The following EYA4 variants were observed in gnomAD, a reference collection of about 807,000 sequenced individuals.
EYA4 encodes the protein protein phosphatase EYA4.
In EYA4, 31 loss-of-function variants were observed where a neutral mutation model predicts 87.9. The observed-to-expected ratio is 0.35, with a 90% CI of 0.27 to 0.48. The LOEUF is 0.48. Among genes scored for constraint, EYA4 ranks in the 20% least tolerant of loss-of-function variants. The pLI, the probability that EYA4 is intolerant of heterozygous loss-of-function variation, is 0.99. For synonymous variants in EYA4, 263 were observed against 270.6 expected (o/e 0.97, Z 0.28); for missense variants, 678 against 761.4 (o/e 0.89, Z 1.29).
intron 2 of EYA4, among the ~76,000 whole-genome samples, chr6:133,291,712 T>C (rs1778503248): frequency 6.6e-6 from 1 of 152,198 alleles, no homozygotes; most frequent in African/African-American, 2.4e-5. Flanking sequence ...AACTCCAGCT[T>C]CCTAGCAATG....
chr6:133,371,499 A>G (rs1224709379), intron 2 of EYA4, among the ~76,000 whole-genome samples: 1 of 152,240 alleles, frequency 6.6e-6, no homozygotes, highest in East Asian at 1.9e-4. Flanking sequence ...TTACTTATCA[A>G]AAATGACCAA....
At chr6:133,445,921 C>G (rs1792788066) in intron 3 of EYA4, among the ~76,000 whole-genome samples, 1 of 152,158 alleles carries the variant, frequency 6.6e-6, no homozygotes, top group African/African-American at 2.4e-5. Context: ...TTCAAGAATC[C>G]CAATTTTATT....
chr6:133,243,650 G>A (rs1223223783), intron 1 of EYA4, among the ~76,000 whole-genome samples: 5 of 129,550 alleles, frequency 3.9e-5, no homozygotes, highest in Non-Finnish European at 6.4e-5. Flanking sequence ...AGCAGAATCA[G>A]TGCCTTTTTT....
intron 2 of EYA4, among the ~76,000 whole-genome samples, chr6:133,350,140 T>A (rs951962244): frequency 2.6e-5 from 4 of 152,078 alleles, no homozygotes; most frequent in African/African-American, 9.7e-5. Flanking sequence ...GGGCCTGATC[T>A]TTGATGTTGA....
intron 1 of EYA4, among the ~76,000 whole-genome samples, chr6:133,270,395 G>A (rs1009520615): frequency 2.6e-5 from 4 of 152,274 alleles, no homozygotes; most frequent in Middle Eastern, 3.4e-3. Context: ...TTTAAATGCC[G>A]ATATGAAGTC....
At chr6:133,264,615 G>A (rs1223991773) in intron 1 of EYA4, among the ~76,000 whole-genome samples, 1 of 152,222 alleles carries the variant, frequency 6.6e-6, no homozygotes, top group Non-Finnish European at 1.5e-5. Flanking sequence ...CAAATGGGCA[G>A]GGAGTCAGTG....
At chr6:133,340,792 G>A (rs1365934298) in intron 2 of EYA4, among the ~76,000 whole-genome samples, 1 of 152,134 alleles carries the variant, frequency 6.6e-6, no homozygotes, top group Non-Finnish European at 1.5e-5. Context: ...AGCCACTGGA[G>A]GATAAGATCA....
chr6:133,383,545 A>AAAAAAAAAAAAAAAG (rs1312860441), intron 3 of EYA4, among the ~76,000 whole-genome samples: 1 of 149,504 alleles, frequency 6.7e-6, no homozygotes, highest in African/African-American at 2.5e-5. Flanking sequence ...AAAAAAAAAA[A>AAAAAAAAAAAAAAAG]TGTAATGGCC....
At chr6:133,462,255 T>C in intron 7 of EYA4, 80 bp from the exon 8 acceptor site, 1 of 1,421,032 alleles carries the variant, frequency 7.0e-7, no homozygotes, top group Non-Finnish European at 9.9e-7. Context: ...CTGGATATTA[T>C]AGGGTTTCAC....
At chr6:133,411,023 G>C (rs1388584779) in intron 3 of EYA4, among the ~76,000 whole-genome samples, 1 of 122,492 alleles carries the variant, frequency 8.2e-6, no homozygotes, top group Non-Finnish European at 1.6e-5. Context: ...GCCCTCTCAA[G>C]CCTAATCAGA....
At chr6:133,439,803 G>A (rs1792085728) in intron 3 of EYA4, among the ~76,000 whole-genome samples, 1 of 152,154 alleles carries the variant, frequency 6.6e-6, no homozygotes, top group South Asian at 2.1e-4. Flanking sequence ...GCCCCCACCA[G>A]GAATCACATT....
At position 133,454,172 on chromosome 6, in the gene EYA4, G is replaced by A. The variant is rs187538040; in HGVS notation, c.278-2384G>A. Among the ~76,000 whole-genome samples, 440 of 152,204 alleles carry A rather than the reference G, an allele frequency of 2.9e-3. 3 individuals are homozygous for A. Among genetic ancestry groups the A allele is most frequent in the African/African-American group, 0.01 (426 of 41,534 alleles). ...GCAAGTAAAATCTATATTACAATTA[G>A]TATAATAAAGCTACTTTTGCAAATA... On this transcript the variant is annotated intron_variant, in intron 5 of 19. Coordinates refer to ENST00000355286, the MANE Select transcript of EYA4 (RefSeq NM_004100.5).
chr6:133,427,578 T>A (rs1477563543), intron 3 of EYA4, among the ~76,000 whole-genome samples: 1 of 152,076 alleles, frequency 6.6e-6, no homozygotes, highest in Non-Finnish European at 1.5e-5. Context: ...AAGGAAAAAA[T>A]TAAAGCTCAC....
At chr6:133,502,466 A>G (rs770428700) in intron 13 of EYA4, 7 of 152,188 alleles carry the variant, frequency 4.6e-5, no homozygotes, top group Non-Finnish European at 1.0e-4. Context: ...AGTATGTTTC[A>G]TTCTCACATG....
chr6:133,402,843 CAG>C (rs972198821), intron 3 of EYA4, among the ~76,000 whole-genome samples: 2 of 152,104 alleles, frequency 1.3e-5, no homozygotes, highest in Admixed American at 6.5e-5. Flanking sequence ...GGGAGGGTAA[CAG>C]GGGACAAGAC....
chr6:133,484,969 C>CT (rs1278507759), intron 13 of EYA4, among the ~76,000 whole-genome samples: 33 of 152,310 alleles, frequency 2.2e-4, no homozygotes, highest in African/African-American at 7.7e-4. Flanking sequence ...ATAGAAAGAT[C>CT]ATTCGGACCC....
intron 3 of EYA4, among the ~76,000 whole-genome samples, chr6:133,384,104 T>G (rs1786494015): frequency 1.3e-5 from 2 of 152,222 alleles, no homozygotes; most frequent in African/African-American, 4.8e-5. Context: ...TCAGGATTTT[T>G]GGGCAGATAA....
intron 3 of EYA4, among the ~76,000 whole-genome samples, chr6:133,408,106 G>T (rs970761384): frequency 6.6e-6 from 1 of 152,156 alleles, no homozygotes; most frequent in African/African-American, 2.4e-5. Flanking sequence ...TTTGGATTTT[G>T]CTAAAAAGTA....
intron 4 of EYA4, among the ~76,000 whole-genome samples, chr6:133,447,809 G>A (rs1277312803): frequency 6.6e-6 from 1 of 152,078 alleles, no homozygotes; most frequent in Non-Finnish European, 1.5e-5. Flanking sequence ...TTATGCAATT[G>A]CAAATGTATA....
Sources: allele counts gnomAD v4.1 joint callset (sites outside exome capture counted in the v4.1 genomes callset), GRCh38; gene constraint gnomAD v4.1.1; transcripts MANE v1.5; gene names NCBI Gene and HGNC (gene_info 2026-07-23, HGNC 2026-07-21).